IKBIP: variants seen among roughly 807,000 people sequenced by gnomAD.
IKBIP encodes inhibitor of nuclear factor kappa-B kinase-interacting protein.
Under a neutral mutation model 31.0 loss-of-function variants are expected in IKBIP, and 28 were observed. The ratio of observed to expected loss-of-function variants is 0.90; its 90% CI spans 0.67 to 1.24. The LOEUF (loss-of-function observed/expected upper bound fraction) is 1.24. Ranked by LOEUF, IKBIP falls within the 50% of genes most tolerant of loss-of-function variation. The pLI is 0.00. For synonymous variants in IKBIP, 164 were observed against 160.3 expected (o/e 1.02, Z -0.17); for missense variants, 453 against 441.9 (o/e 1.03, Z -0.23).
At chr12:98,641,486 G>A (rs1044296903) in intron 1 of IKBIP, among the ~76,000 whole-genome samples, 25 of 152,132 alleles carry the variant, frequency 1.6e-4, no homozygotes, top group African/African-American at 5.6e-4. Flanking sequence ...GTTTACAAAT[G>A]TCTTATGGGG....
chr12:98,628,028 A>G (rs1212006320), intron 2 of IKBIP, among the ~76,000 whole-genome samples: 1 of 152,208 alleles, frequency 6.6e-6, no homozygotes, highest in African/African-American at 2.4e-5. Context: ...ATAGAAGGCC[A>G]AGTCATTGAC....
intron 1 of IKBIP, among the ~76,000 whole-genome samples, chr12:98,640,625 T>C (rs1209378111): frequency 6.6e-6 from 1 of 152,200 alleles, no homozygotes; most frequent in Non-Finnish European, 1.5e-5. Flanking sequence ...CTTTTTAACT[T>C]TCTGAAAGTA....
At chr12:98,621,405 C>T (rs185221829), downstream of IKBIP, among the ~76,000 whole-genome samples, 760 of 152,360 alleles carry the variant, frequency 5.0e-3, 25 homozygotes, top group Admixed American at 0.043. Context: ...TTGATTCCTT[C>T]TCATGCTCAA....
chr12:98,619,029 TCTC>T (rs978211121), intron 2 of IKBIP, among the ~76,000 whole-genome samples: 2 of 152,198 alleles, frequency 1.3e-5, no homozygotes, highest in African/African-American at 2.4e-5. Flanking sequence ...TGAGGATTTT[TCTC>T]CTCAATTGCT....
chr12:98,635,807 A>G (rs1490872326), intron 1 of IKBIP, among the ~76,000 whole-genome samples: 1 of 152,240 alleles, frequency 6.6e-6, no homozygotes, highest in Non-Finnish European at 1.5e-5. Flanking sequence ...GAGGTATGAA[A>G]ATAGAAAAAA....
chr12:98,621,407 C>T (rs969429276), downstream of IKBIP, among the ~76,000 whole-genome samples: 39 of 152,226 alleles, frequency 2.6e-4, no homozygotes, highest in African/African-American at 9.4e-4. Flanking sequence ...GATTCCTTCT[C>T]ATGCTCAAGG....
chr12:98,643,020 C>T (rs1260506782), intron 1 of IKBIP, among the ~76,000 whole-genome samples: 6 of 149,484 alleles, frequency 4.0e-5, no homozygotes, highest in African/African-American at 1.5e-4. Context: ...TGGCACGATC[C>T]CAGCTCACTG....
At chr12:98,614,278 C>T in exon 3 of IKBIP, 1 of 1,605,184 alleles carries the variant, frequency 6.2e-7, no homozygotes, top group Non-Finnish European at 8.5e-7. Context: ...CCTGTAGACG[C>T]TTTAGATGAG....
chr12:98,614,190 G>A (rs1354695480), exon 3 of IKBIP: 1 of 1,613,928 alleles, frequency 6.2e-7, no homozygotes. Context: ...TCTTGAGAAA[G>A]CGTCGTCAGA....
At position 98,626,556 on chromosome 12, in the gene IKBIP, T is replaced by C. The variant is rs1318726949; in HGVS notation, c.508A>G (p.Thr170Ala). Residue 170 changes from threonine (T) to alanine (A), a missense_variant, in exon 3 of 3, where the codon ACA becomes GCA. Physicochemically the swap from Thr to Ala is moderately conservative, Grantham distance 58. Transcript: ENST00000299157. ...KRSLEEMNIN[T>A]DIFKSEAKHI... ...TTTGCTTCTGATTTGAAAATGTCTG[T>C]ATTAATGTTCATTTCTTCTAGGCTT... The C allele has an allele frequency of 1.9e-6, 3 of 1,613,290 alleles. No homozygotes were observed. The highest frequency in any genetic ancestry group is 2.7e-5 in the African/African-American group (2 of 74,934).
chr12:98,635,785 G>C (rs1173260915), intron 1 of IKBIP, among the ~76,000 whole-genome samples: 1 of 152,178 alleles, frequency 6.6e-6, no homozygotes, highest in Non-Finnish European at 1.5e-5. Context: ...AAAATAGCAG[G>C]AGGTGTGAAA....
At chr12:98,630,537 T>C (rs2097619166) in intron 2 of IKBIP, among the ~76,000 whole-genome samples, 1 of 151,986 alleles carries the variant, frequency 6.6e-6, no homozygotes, top group Admixed American at 6.6e-5. Context: ...GAGCAGCTCC[T>C]CCAACAACGT....
At chr12:98,627,664 C>T (rs1289888201) in intron 2 of IKBIP, among the ~76,000 whole-genome samples, 3 of 151,908 alleles carry the variant, frequency 2.0e-5, no homozygotes, top group Non-Finnish European at 2.9e-5. Flanking sequence ...GGTCTCGATC[C>T]CCTGACCTCG....
At chr12:98,629,343 C>A (rs1395256463) in intron 2 of IKBIP, among the ~76,000 whole-genome samples, 2 of 151,912 alleles carry the variant, frequency 1.3e-5, no homozygotes, top group East Asian at 3.9e-4. Flanking sequence ...GAGTTTGAGA[C>A]CAGCCTGGGC....
rs534507483 is a variant in IKBIP at position 98,618,362 on chromosome 12, C to T, written c.298-4022G>A. Among the ~76,000 whole-genome samples, 23 of 150,016 alleles carry T rather than the reference C, an allele frequency of 1.5e-4. No individual in the cohort carries two copies. The East Asian group carries it at 4.6e-3, about 30-fold the overall frequency. On this transcript the variant is annotated intron_variant, in intron 2 of 2. Coordinates refer to the IKBIP transcript ENST00000342502. ...AAAATTGAGGCCAGGCGCGGTGGCT[C>T]ACGCCTGTAATCCCAGCACTTTGGG...
chr12:98,619,873 GAAAA>G (rs562387976), downstream of IKBIP, among the ~76,000 whole-genome samples: 8 of 68,988 alleles, frequency 1.2e-4, no homozygotes, highest in Non-Finnish European at 1.9e-4. Context: ...CCCTTTCTCA[GAAAA>G]AAAAAAAAAA....
chr12:98,626,708 TG>T lies in IKBIP; in HGVS notation c.355del (p.Gln119SerfsTer45). The T allele has an allele frequency of 6.2e-7, 1 of 1,613,906 alleles. No individual in the cohort carries two copies. Among genetic ancestry groups the T allele is most frequent in the Non-Finnish European group, 8.5e-7 (1 of 1,179,938 alleles). ...EATSSMSLMT[Q>X]FEQEVSNLQD... The stretch of plus-strand genomic sequence containing the variant: ...GAGGTTGGATACTTCCTGCTCAAAC[TG>T]GGTCATCAAAGACATGGATGATGTA... On this transcript the variant is annotated frameshift_variant, in exon 3 of 3. Transcript: ENST00000299157. LOFTEE classifies it high-confidence loss of function.
intron 2 of IKBIP, among the ~76,000 whole-genome samples, chr12:98,632,728 A>G (rs968247047): frequency 2.0e-5 from 3 of 148,308 alleles, no homozygotes; most frequent in African/African-American, 7.5e-5. Context: ...AGGTTCAAGC[A>G]ATTCTCATAC....
downstream of IKBIP, among the ~76,000 whole-genome samples, chr12:98,619,773 G>A (rs1328185319): frequency 6.6e-6 from 1 of 150,642 alleles, no homozygotes; most frequent in East Asian, 2.0e-4. Context: ...TAGCCGGGCT[G>A]AGCTGGGAGG....
Sources: allele counts gnomAD v4.1 joint callset (sites outside exome capture counted in the v4.1 genomes callset), GRCh38; gene constraint gnomAD v4.1.1; transcripts MANE v1.5; gene names NCBI Gene and HGNC (gene_info 2026-07-23, HGNC 2026-07-21).